CNTNAP2: variants seen among roughly 807,000 people sequenced by gnomAD.
CNTNAP2 encodes contactin-associated protein-like 2.
In CNTNAP2, 98 loss-of-function variants were observed where a neutral mutation model predicts 155.2. The ratio of observed to expected loss-of-function variants is 0.63; its 90% CI spans 0.54 to 0.75. The LOEUF is 0.75. Among genes scored for constraint, CNTNAP2 ranks in the 30% least tolerant of loss-of-function variants. The pLI is 0.00. For missense variants in CNTNAP2, 1,727 were observed against 1,688.1 expected, an observed-to-expected ratio of 1.02 and a Z score of -0.40; for synonymous variants, 651 against 631.2, an observed-to-expected ratio of 1.03 and a Z score of -0.47.
rs115659320 is a variant in CNTNAP2, at chr7:147,706,221, C to T, written c.2098+66915C>T. 6.2e-3 allele frequency among the ~76,000 whole-genome samples: 925 copies of T among 148,090 alleles called. 16 individuals carry two copies. The highest frequency in any genetic ancestry group is 0.021 in the African/African-American group (872 of 40,642). ...TTCCTTATTTGTGTGTTTGCTCTAC[C>T]AGTGGGTTTTATCCTTTCATGTGGT... On this transcript the variant is annotated intron_variant, in intron 13 of 23. Coordinates refer to ENST00000361727, the MANE Select transcript of CNTNAP2 (RefSeq NM_014141.6).
chr7:147,730,030 T>C (rs1796712278), intron 13 of CNTNAP2, among the ~76,000 whole-genome samples: 1 of 152,136 alleles, frequency 6.6e-6, no homozygotes, highest in Non-Finnish European at 1.5e-5. Flanking sequence ...ACAATTAATA[T>C]CTATGGCTAT....
intron 19 of CNTNAP2, among the ~76,000 whole-genome samples, chr7:148,223,546 A>T (rs1795789956): frequency 6.6e-6 from 1 of 152,224 alleles, no homozygotes; most frequent in African/African-American, 2.4e-5. Context: ...GCACCTCAGC[A>T]TTTGAATAAT....
intron 4 of CNTNAP2, among the ~76,000 whole-genome samples, chr7:147,084,067 A>C: frequency 9.4e-6 from 1 of 106,770 alleles, no homozygotes; most frequent in South Asian, 3.2e-4. Flanking sequence ...TATATATAAT[A>C]CATATATGCA....
At chr7:148,304,546 A>G (rs1278718286) in intron 21 of CNTNAP2, among the ~76,000 whole-genome samples, 1 of 152,186 alleles carries the variant, frequency 6.6e-6, no homozygotes, top group East Asian at 1.9e-4. Flanking sequence ...TGAGAGCCAT[A>G]GAGTCTCTGT....
chr7:147,570,329 C>G (rs952512249), intron 12 of CNTNAP2, among the ~76,000 whole-genome samples: 26 of 152,166 alleles, frequency 1.7e-4, no homozygotes, highest in African/African-American at 5.3e-4. Flanking sequence ...GCATGCTTAC[C>G]TATGTGCCTC....
At chr7:146,928,146 T>A (rs1796647855) in intron 3 of CNTNAP2, among the ~76,000 whole-genome samples, 1 of 152,078 alleles carries the variant, frequency 6.6e-6, no homozygotes, top group Admixed American at 6.6e-5. Context: ...ATAGATACTT[T>A]GTAAAACAAT....
intron 1 of CNTNAP2, among the ~76,000 whole-genome samples, chr7:146,616,898 T>C (rs560920046): frequency 6.2e-4 from 95 of 152,308 alleles, no homozygotes; most frequent in African/African-American, 2.2e-3. Flanking sequence ...GTTTATTCCA[T>C]AGAAAAAAAA....
chr7:147,535,212 G>A lies in CNTNAP2; in HGVS notation c.1778-26926G>A, dbSNP rs62481290. ...GTTTGAGACCAGCCTGGACAACATG[G>A]TGAAACCCCGTCTCTACTAAAAATA... is the stretch of plus-strand genomic sequence containing the variant. On this transcript the variant is annotated intron_variant, in intron 11 of 23. Coordinates refer to ENST00000361727, the MANE Select transcript of CNTNAP2 (RefSeq NM_014141.6). 3.3e-3 allele frequency among the ~76,000 whole-genome samples: 497 copies of A among 152,230 alleles called. 3 individuals carry two copies. Among genetic ancestry groups the A allele is most frequent in the Non-Finnish European group, 6.0e-3 (411 of 68,016 alleles).
chr7:147,025,453 A>G (rs1210525939), intron 3 of CNTNAP2, among the ~76,000 whole-genome samples: 17 of 5,072 alleles, frequency 3.4e-3, no homozygotes, highest in Admixed American at 4.9e-3. Context: ...GGAGGGGAGG[A>G]GGGGGAGGGG....
chr7:147,182,747 CT>C (rs1404792282), intron 8 of CNTNAP2, among the ~76,000 whole-genome samples: 1 of 151,966 alleles, frequency 6.6e-6, no homozygotes. Flanking sequence ...TATTTCTCTG[CT>C]TTACAATTTA....
chr7:147,808,614 C>T (rs1008132742), intron 13 of CNTNAP2, among the ~76,000 whole-genome samples: 33 of 152,212 alleles, frequency 2.2e-4, no homozygotes, highest in African/African-American at 3.9e-4. Context: ...TTCTTTGCCT[C>T]CAATGTTACT....
intron 12 of CNTNAP2, among the ~76,000 whole-genome samples, chr7:147,603,901 C>G (rs1801006489): frequency 6.6e-6 from 1 of 151,792 alleles, no homozygotes; most frequent in South Asian, 2.1e-4. Context: ...AGAACAGAGC[C>G]CTCAGAAATA....
At chr7:147,792,952 A>T (rs1463417958) in intron 13 of CNTNAP2, among the ~76,000 whole-genome samples, 2 of 152,116 alleles carry the variant, frequency 1.3e-5, no homozygotes, top group African/African-American at 2.4e-5. Context: ...ATGACTAATG[A>T]TGGGCATCTT....
chr7:148,266,580 C>T (rs1796672984), intron 20 of CNTNAP2, among the ~76,000 whole-genome samples: 1 of 151,828 alleles, frequency 6.6e-6, no homozygotes, highest in Admixed American at 6.6e-5. Flanking sequence ...ACTGTTTACC[C>T]CACTTGACCC....
rs573525555 is a variant in CNTNAP2 at position 147,921,051 on chromosome 7, T to C, written c.2255+17330T>C. ...GTCTCCATCTCCTGACCTTGTGATC[T>C]GCCCACCTCGGCCTCCCAAAGTGCT... is the stretch of plus-strand genomic sequence containing the variant. On this transcript the variant is annotated intron_variant, in intron 14 of 23. Coordinates refer to ENST00000361727, the MANE Select transcript of CNTNAP2 (RefSeq NM_014141.6). Among the ~76,000 whole-genome samples, 82 of 152,100 alleles carry C rather than the reference T, an allele frequency of 5.4e-4. No homozygotes were observed. The East Asian group carries it at 0.014, about 26-fold the overall frequency.
intron 10 of CNTNAP2, among the ~76,000 whole-genome samples, chr7:147,403,602 C>T (rs1474686140): frequency 6.6e-6 from 1 of 152,250 alleles, no homozygotes; most frequent in East Asian, 1.9e-4. Flanking sequence ...GGTTGTTTGG[C>T]TTTTATGTCT....
intron 15 of CNTNAP2, among the ~76,000 whole-genome samples, chr7:147,996,926 G>T (rs1801812833): frequency 6.6e-6 from 1 of 152,108 alleles, no homozygotes; most frequent in African/African-American, 2.4e-5. Context: ...ATATCAGGAG[G>T]TGGGGCTCTG....
At chr7:147,251,136 A>C (rs1804188120) in intron 8 of CNTNAP2, among the ~76,000 whole-genome samples, 1 of 152,148 alleles carries the variant, frequency 6.6e-6, no homozygotes, top group Non-Finnish European at 1.5e-5. Context: ...TTTCACTATT[A>C]GTCCTCGCTA....
intron 1 of CNTNAP2, among the ~76,000 whole-genome samples, chr7:146,739,394 T>A (rs921203675): frequency 1.3e-5 from 2 of 152,050 alleles, no homozygotes; most frequent in Non-Finnish European, 2.9e-5. Flanking sequence ...TCATGAACAT[T>A]TTTTCACAGA....
Sources: allele counts gnomAD v4.1 joint callset (sites outside exome capture counted in the v4.1 genomes callset), GRCh38; gene constraint gnomAD v4.1.1; transcripts MANE v1.5; gene names NCBI Gene and HGNC (gene_info 2026-07-23, HGNC 2026-07-21).